METAP1: variants seen among roughly 807,000 people sequenced by gnomAD.
METAP1 encodes the protein methionine aminopeptidase 1.
In METAP1, 28 loss-of-function variants were observed where a neutral mutation model predicts 53.8. The observed-to-expected ratio is 0.52, with a 90% CI of 0.39 to 0.71. METAP1 has a LOEUF of 0.71. Ranked by LOEUF, METAP1 falls within the 30% of genes least tolerant of loss-of-function variation. The pLI is 0.00. For missense variants in METAP1, 389 were observed against 479.8 expected (o/e 0.81, Z 1.77); for synonymous variants, 181 against 165.7 (o/e 1.09, Z -0.71).
At chr4:99,021,214 A>G (rs147342399) in intron 1 of METAP1, among the ~76,000 whole-genome samples, 44 of 152,162 alleles carry the variant, frequency 2.9e-4, no homozygotes, top group East Asian at 1.4e-3. Flanking sequence ...CTTTCTCTCA[A>G]CCACAGTCAT....
intron 8 of METAP1, among the ~76,000 whole-genome samples, chr4:99,046,936 C>CAAAAAAAAAAAA (rs56702946): frequency 4.3e-3 from 353 of 81,894 alleles, no homozygotes; most frequent in Middle Eastern, 0.017. Flanking sequence ...ACTGAAGAAA[C>CAAAAAAAAAAAA]AAAAAAAAAA....
At chr4:99,026,668 A>T (rs182642453) in intron 1 of METAP1, 833 of 985,406 alleles carry the variant, frequency 8.5e-4, no homozygotes, top group Non-Finnish European at 8.5e-4. Context: ...GTCTTTCAGG[A>T]TTTTGAGTAT....
At chr4:99,024,248 G>GCGGA (rs1248081278) in intron 1 of METAP1, among the ~76,000 whole-genome samples, 4 of 152,036 alleles carry the variant, frequency 2.6e-5, no homozygotes, top group African/African-American at 4.8e-5. Flanking sequence ...ACCCTCTCAC[G>GCGGA]CGGACCCCCT....
chr4:99,054,339 C>T (rs1171178739), intron 9 of METAP1, among the ~76,000 whole-genome samples: 1 of 152,192 alleles, frequency 6.6e-6, no homozygotes, highest in African/African-American at 2.4e-5. Context: ...CCTCACGAAC[C>T]AACCTCTGCT....
At chr4:99,022,753 G>A in intron 1 of METAP1, 3 of 1,601,996 alleles carry the variant, frequency 1.9e-6, no homozygotes, top group Non-Finnish European at 2.6e-6. Flanking sequence ...CCATAGGCGT[G>A]TTGTGTAGAC....
In METAP1 at chr4:99,027,487, C is replaced by T. The variant is rs563219345; in HGVS notation, c.115-1380C>T. Among the ~76,000 whole-genome samples, 6 of 151,786 alleles carry T rather than the reference C, an allele frequency of 4.0e-5. 1 individual carries two copies. In the South Asian group the frequency reaches 1.2e-3, roughly 32 times the overall value. On this transcript the variant is annotated intron_variant, in intron 1 of 10. Coordinates refer to ENST00000296411, the MANE Select transcript of METAP1 (RefSeq NM_015143.3). ...TCCAGGTGTGTTGACAGACTTTAGT[C>T]TTTCTTCCTGCGGTATGAGTTCAGT... is the stretch of plus-strand genomic sequence containing the variant.
In METAP1 at chr4:99,040,527, G is replaced by A. The variant is rs546007359; in HGVS notation, c.433-516G>A. On this transcript the variant is annotated intron_variant, in intron 5 of 10. Coordinates refer to ENST00000296411, the MANE Select transcript of METAP1 (RefSeq NM_015143.3). Reference sequence around the variant, plus strand: ...CTATCACTCAGGCTAGAGTACAGTGGCACAATCATAGATCATATAGATCAT... The same window carrying A: ...CTATCACTCAGGCTAGAGTACAGTGACACAATCATAGATCATATAGATCAT... 1.1e-4 allele frequency among the ~76,000 whole-genome samples: 16 copies of A among 151,422 alleles called. No homozygotes were observed. The South Asian group carries it at 2.7e-3, about 26-fold the overall frequency.
At chr4:99,052,397 C>T (rs1466562690) in intron 9 of METAP1, among the ~76,000 whole-genome samples, 1 of 152,172 alleles carries the variant, frequency 6.6e-6, no homozygotes, top group Non-Finnish European at 1.5e-5. Context: ...TTAATTGGCT[C>T]ACGGTTCTGC....
chr4:99,061,370 T>C lies in METAP1; in HGVS notation c.*53T>C. ...CCTTCTTACTGTGCTATGCATTTTATTGAGAGTACAGAAAGGAAGAGGAAC... is the reference window on the plus strand; with the variant it reads ...CCTTCTTACTGTGCTATGCATTTTACTGAGAGTACAGAAAGGAAGAGGAAC... On this transcript the variant is annotated 3_prime_UTR_variant, in exon 11 of 11. Coordinates refer to ENST00000296411, the MANE Select transcript of METAP1 (RefSeq NM_015143.3). The C allele has an allele frequency of 6.6e-7, 1 of 1,504,542 alleles. No homozygotes were observed. The highest frequency in any genetic ancestry group is 1.2e-5 in the South Asian group (1 of 80,116). 93.2% of individuals were successfully genotyped at this position (1,504,542 alleles called of 1,614,324 possible). A position where few individuals can be genotyped will look rare whatever the true frequency, so the allele number is the denominator to read the frequency against.
chr4:99,045,501 T>C (rs1726156285), intron 8 of METAP1, among the ~76,000 whole-genome samples, 191 bp downstream of exon 8: 1 of 152,174 alleles, frequency 6.6e-6, no homozygotes, highest in Non-Finnish European at 1.5e-5. Flanking sequence ...GACCAGATGA[T>C]TGGTTAGCAT....
chr4:99,028,946 A>G, intron 2 of METAP1, 28 bp downstream of exon 2: 1 of 1,476,018 alleles, frequency 6.8e-7, no homozygotes, highest in Non-Finnish European at 9.2e-7. Flanking sequence ...TTTTTACACC[A>G]TTTGTCTTAG....
rs369134352 is a variant in METAP1 at position 99,057,797 on chromosome 4, A to G, written c.976A>G (p.Ile326Val). Residue 326 changes from isoleucine (I) to valine (V), a missense_variant, in exon 10 of 11, where the codon ATT (isoleucine) becomes GTT (valine). By Grantham distance (29) the Ile-to-Val change is conservative (BLOSUM62 3). Coordinates refer to ENST00000296411, the MANE Select transcript of METAP1 (RefSeq NM_015143.3). ...GATGAAGTCGGGCCATGTATTTACAATTGAGCCAATGATTTGTGAAGGTGA... is the reference window on the plus strand; with the variant it reads ...GATGAAGTCGGGCCATGTATTTACAGTTGAGCCAATGATTTGTGAAGGTGA... ...GVMKSGHVFT[I>V]EPMICEGGWQ... 4 of 1,596,494 alleles carry G rather than the reference A, an allele frequency of 2.5e-6. No homozygotes were observed. Among genetic ancestry groups the G allele is most frequent in the South Asian group, 1.1e-5 (1 of 87,636 alleles).
At chr4:98,998,387 G>A (rs763566508) in intron 1 of METAP1, among the ~76,000 whole-genome samples, 8 of 152,152 alleles carry the variant, frequency 5.3e-5, no homozygotes, top group Admixed American at 1.3e-4. Flanking sequence ...GCTGGGCGTG[G>A]TGGCACACGC....
chr4:99,019,341 GACTCACGTATT>G (rs1354081046), intron 1 of METAP1, among the ~76,000 whole-genome samples: 10 of 152,272 alleles, frequency 6.6e-5, no homozygotes, highest in Non-Finnish European at 1.2e-4. Context: ...AAGAGCCCCT[GACTCACGTATT>G]CTTCCTCTCT....
chr4:99,059,283 TA>T (rs146834797), intron 10 of METAP1, among the ~76,000 whole-genome samples: 3,233 of 152,310 alleles, frequency 0.021, 99 homozygotes, highest in African/African-American at 0.072. Flanking sequence ...TTGACATTAC[TA>T]AAAATCCTGT....
At chr4:99,011,873 G>T (rs58487009) in intron 1 of METAP1, among the ~76,000 whole-genome samples, 9,451 of 152,204 alleles carry the variant, frequency 0.062, 997 homozygotes, top group African/African-American at 0.21. Context: ...CTAGGAGGCG[G>T]AGGTTGCGGT....
intron 3 of METAP1, among the ~76,000 whole-genome samples, chr4:99,034,628 C>G (rs542334480): frequency 6.6e-6 from 1 of 152,076 alleles, no homozygotes; most frequent in South Asian, 2.1e-4. Context: ...TGTGTACAGT[C>G]GTCCCTCGAT....
rs1724308830 is a variant in METAP1 at position 99,023,567 on chromosome 4, A to G, written c.115-5300A>G. 6 of 985,282 alleles carry G rather than the reference A, an allele frequency of 6.1e-6. No homozygotes were observed. The South Asian group carries it at 1.9e-4, about 31-fold the overall frequency. 61.0% of individuals were successfully genotyped at this position (985,282 alleles called of 1,614,324 possible). On this transcript the variant is annotated intron_variant, in intron 1 of 10. Coordinates refer to ENST00000296411, the MANE Select transcript of METAP1 (RefSeq NM_015143.3). ...GAGATGGTGGAAAAGAGAGAGAGGT[A>G]ATACAGGATCTTAAGGTAATAGGAC...
chr4:99,048,596 C>T, intron 8 of METAP1, 137 bp from the exon 9 acceptor site: 2 of 932,834 alleles, frequency 2.1e-6, no homozygotes, highest in Non-Finnish European at 3.3e-6. Context: ...TCTTGAACTC[C>T]TGAGCTCAGG....
Sources: gnomAD v4.1 joint callset for allele counts (sites outside exome capture counted in the v4.1 genomes callset) on GRCh38, gnomAD v4.1.1 for gene constraint, MANE v1.5 for transcripts, NCBI Gene and HGNC (gene_info 2026-07-23, HGNC 2026-07-21) for gene names.